Variants in ERICH6 observed in about 807,000 individuals in gnomAD.
The protein encoded by ERICH6 is glutamate-rich protein 6.
A neutral mutation model predicts 71.0 loss-of-function variants in ERICH6; 71 were observed. The ratio of observed to expected loss-of-function variants is 1.00; its 90% confidence interval spans 0.83 to 1.22. The LOEUF (loss-of-function observed/expected upper bound fraction) is 1.22. Among genes scored for constraint, ERICH6 ranks in the 50% most tolerant of loss-of-function variants. ERICH6 has a pLI of 0.00. For synonymous variants in ERICH6, 262 were observed against 278.4 expected, an observed-to-expected ratio of 0.94 and a Z score of 0.59; for missense variants, 808 against 797.2, an observed-to-expected ratio of 1.01 and a Z score of -0.16.
At chr3:150,691,718 TA>T (rs918184286) in intron 3 of ERICH6, among the ~76,000 whole-genome samples, 67 of 147,946 alleles carry the variant, frequency 4.5e-4, no homozygotes, top group African/African-American at 1.5e-3. Context: ...AAGCTGAGAT[TA>T]TTTTTTTTTA....
At chr3:150,680,985 A>G (rs1711904722) in intron 7 of ERICH6, 55 bp from the exon 8 acceptor site, 1 of 1,499,418 alleles carries the variant, frequency 6.7e-7, no homozygotes, top group Non-Finnish European at 8.9e-7. Flanking sequence ...GGAGGATTAG[A>G]GGGGATAAAA....
chr3:150,686,615 G>T (rs1434649355), intron 3 of ERICH6, among the ~76,000 whole-genome samples: 1 of 152,108 alleles, frequency 6.6e-6, no homozygotes, highest in African/African-American at 2.4e-5. Flanking sequence ...ATCTGCAGGG[G>T]ATATATTCCA....
At chr3:150,698,951 A>G in intron 2 of ERICH6, 69 bp from the exon 3 acceptor site, 1 of 900,904 alleles carries the variant, frequency 1.1e-6, no homozygotes, top group South Asian at 1.6e-5. Flanking sequence ...AACATCGAAC[A>G]TTTAATAATC....
intron 11 of ERICH6, among the ~76,000 whole-genome samples, chr3:150,672,391 A>G (rs1365494258): frequency 6.6e-6 from 1 of 151,800 alleles, no homozygotes; most frequent in Non-Finnish European, 1.5e-5. Flanking sequence ...TGAATTCAAG[A>G]GTTCAAGACC....
At chr3:150,675,241 T>C (rs999026358) in intron 10 of ERICH6, among the ~76,000 whole-genome samples, 1 of 152,252 alleles carries the variant, frequency 6.6e-6, no homozygotes, top group South Asian at 2.1e-4. Flanking sequence ...TGTGCTAATA[T>C]GGACAATGTA....
chr3:150,669,215 T>C (rs1263866606), intron 12 of ERICH6, 81 bp downstream of exon 12: 1 of 1,412,304 alleles, frequency 7.1e-7, no homozygotes, highest in Non-Finnish European at 9.5e-7. Context: ...CTGAAACCCA[T>C]TCTTATCATT....
chr3:150,699,714 A>C lies in ERICH6; in HGVS notation c.462-832T>G, dbSNP rs550022222. 9.1e-5 allele frequency among the ~76,000 whole-genome samples: 12 copies of C among 131,536 alleles called. No homozygotes were observed. In the East Asian group the frequency reaches 2.3e-3, roughly 25 times the overall value. The allele number at this position is 131,536 out of a possible 152,430, so 86.3% of individuals were successfully genotyped here. On this transcript the variant is annotated intron_variant, in intron 2 of 13. Transcript: ENST00000295910. Reference sequence around the variant, plus strand: ...ATATATTAGAACAAAGCCCTCAAAGAGATAAAAACAAAAAAAAAAAACACA... The same window carrying C: ...ATATATTAGAACAAAGCCCTCAAAGCGATAAAAACAAAAAAAAAAAACACA...
At chr3:150,662,906 G>C (rs1315299604) in intron 13 of ERICH6, among the ~76,000 whole-genome samples, 2 of 152,144 alleles carry the variant, frequency 1.3e-5, no homozygotes, top group Non-Finnish European at 1.5e-5. Context: ...CAAATGCAAA[G>C]ACTCTGTGAC....
intron 3 of ERICH6, among the ~76,000 whole-genome samples, chr3:150,688,889 T>C (rs1712304599): frequency 6.6e-6 from 1 of 152,222 alleles, no homozygotes; most frequent in African/African-American, 2.4e-5. Context: ...TGGGCACATG[T>C]CACCAGGACC....
chr3:150,677,523 G>C (rs1711706626), intron 10 of ERICH6, among the ~76,000 whole-genome samples: 1 of 151,188 alleles, frequency 6.6e-6, no homozygotes, highest in Non-Finnish European at 1.5e-5. Context: ...TTGAGACAGA[G>C]TTTTGCTCTG....
At chr3:150,701,819 G>C (rs1712878553) in intron 2 of ERICH6, among the ~76,000 whole-genome samples, 1 of 49,800 alleles carries the variant, frequency 2.0e-5, no homozygotes, top group Non-Finnish European at 4.9e-5. Context: ...CTTGCATTTA[G>C]CCAATAAAAG....
At chr3:150,681,170 C>A (rs1166023137) in intron 7 of ERICH6, among the ~76,000 whole-genome samples, 4 of 152,156 alleles carry the variant, frequency 2.6e-5, no homozygotes, top group Non-Finnish European at 5.9e-5. Context: ...GAATCTGAAA[C>A]CTGTCCTCAC....
At chr3:150,660,315 A>T (rs1727171102) in intron 13 of ERICH6, among the ~76,000 whole-genome samples, 160 bp from the exon 14 acceptor site, 2 of 152,156 alleles carry the variant, frequency 1.3e-5, no homozygotes, top group African/African-American at 4.8e-5. Context: ...TCTACTCTGA[A>T]TGAAGAAAGA....
chr3:150,674,516 A>T (rs1441566933), intron 10 of ERICH6, among the ~76,000 whole-genome samples: 2 of 152,178 alleles, frequency 1.3e-5, no homozygotes, highest in East Asian at 3.8e-4. Context: ...CTGGTAGAAC[A>T]CATCCTCCTT....
intron 6 of ERICH6, among the ~76,000 whole-genome samples, chr3:150,683,487 G>A (rs192922127): frequency 1.6e-3 from 238 of 152,156 alleles, no homozygotes; most frequent in African/African-American, 4.8e-3. Flanking sequence ...GAGGGAGGCC[G>A]GGCATGGTGG....
At chr3:150,683,579 C>T (rs545859721) in intron 6 of ERICH6, among the ~76,000 whole-genome samples, 239 of 152,192 alleles carry the variant, frequency 1.6e-3, no homozygotes, top group African/African-American at 4.8e-3. Context: ...GCCTGGTAAA[C>T]CCTGTCTCTG....
intron 3 of ERICH6, among the ~76,000 whole-genome samples, chr3:150,690,405 GA>G (rs34766940): frequency 0.21 from 30,444 of 145,102 alleles, 3,245 homozygotes; most frequent in African/African-American, 0.28. Context: ...CTAAGATAGG[GA>G]AAAAAAAAAA....
chr3:150,681,733 C>T (rs1028339997), intron 7 of ERICH6, among the ~76,000 whole-genome samples: 2 of 151,916 alleles, frequency 1.3e-5, no homozygotes, highest in Non-Finnish European at 1.5e-5. Flanking sequence ...TTAAATTATA[C>T]CCATCCTAAT....
chr3:150,685,916 A>G, intron 5 of ERICH6, 50 bp downstream of exon 5: 1 of 1,602,198 alleles, frequency 6.2e-7, no homozygotes, highest in Non-Finnish European at 8.5e-7. Context: ...TTGATAAGCC[A>G]TTTTTACTAT....
Sources: gnomAD v4.1 joint callset for allele counts (sites outside exome capture counted in the v4.1 genomes callset) on GRCh38, gnomAD v4.1.1 for gene constraint, MANE v1.5 for transcripts, NCBI Gene and HGNC (gene_info 2026-07-23, HGNC 2026-07-21) for gene names.